The following CACNA1B variants were observed in gnomAD, a reference collection of about 807,000 sequenced individuals.
CACNA1B encodes calcium voltage-gated channel subunit alpha1 B.
Under a neutral mutation model 247.2 loss-of-function variants are expected in CACNA1B, and 70 were observed. That is an observed-to-expected ratio of 0.28 (90% confidence interval 0.23 to 0.35). CACNA1B has a LOEUF of 0.35. Ranked by LOEUF, CACNA1B falls within the 10% of genes least tolerant of loss-of-function variation. The pLI is 1.00. For synonymous variants in CACNA1B, 1,231 were observed against 1,294.4 expected, an observed-to-expected ratio of 0.95 and a Z score of 1.05; for missense variants, 2,367 against 3,197.4, an observed-to-expected ratio of 0.74 and a Z score of 6.26.
In CACNA1B at chr9:138,092,345, G is replaced by A. The variant is rs186647167; in HGVS notation, c.5095-4139G>A. On this transcript the variant is annotated intron_variant, in intron 36 of 46. Coordinates refer to ENST00000371372, the MANE Select transcript of CACNA1B (RefSeq NM_000718.4). Reference sequence around the variant, plus strand: ...AGCAGCAGTCTGTAGGCCTACCCCTGGGAATGCATTCCTTTCCCAGGGTTA... The same window carrying A: ...AGCAGCAGTCTGTAGGCCTACCCCTAGGAATGCATTCCTTTCCCAGGGTTA... 3.9e-5 allele frequency among the ~76,000 whole-genome samples: 6 copies of A among 152,276 alleles called. No homozygotes were observed. The East Asian group carries it at 1.2e-3, about 29-fold the overall frequency.
chr9:138,088,194 C>T (rs956440028), intron 36 of CACNA1B, among the ~76,000 whole-genome samples: 2 of 151,892 alleles, frequency 1.3e-5, no homozygotes, highest in Non-Finnish European at 2.9e-5. Context: ...CATGGTGAAA[C>T]CCCATCTCTA....
At chr9:138,006,665 C>A (rs1049864856) in intron 15 of CACNA1B, 102 bp from the exon 16 acceptor site, 2 of 690,110 alleles carry the variant, frequency 2.9e-6, no homozygotes, top group East Asian at 2.7e-5. Flanking sequence ...CGTGGCAGTG[C>A]GCGTGGACGT....
intron 39 of CACNA1B, among the ~76,000 whole-genome samples, chr9:138,108,934 G>C: frequency 6.6e-6 from 1 of 152,230 alleles, no homozygotes; most frequent in South Asian, 2.1e-4. Flanking sequence ...TTACAGGCGT[G>C]AGCCACTGCA....
intron 6 of CACNA1B, among the ~76,000 whole-genome samples, chr9:137,926,467 T>A (rs1157627168): frequency 6.6e-6 from 1 of 152,244 alleles, no homozygotes; most frequent in Non-Finnish European, 1.5e-5. Flanking sequence ...ATGTTTTAAC[T>A]CTTACGAAGA....
intron 6 of CACNA1B, among the ~76,000 whole-genome samples, chr9:137,937,840 G>A (rs765569926): frequency 2.7e-5 from 4 of 150,842 alleles, no homozygotes; most frequent in Non-Finnish European, 5.9e-5. Flanking sequence ...CCAGCTACTC[G>A]GGAGGCTGAG....
At chr9:137,933,146 A>G (rs1278606142) in intron 6 of CACNA1B, among the ~76,000 whole-genome samples, 1 of 151,766 alleles carries the variant, frequency 6.6e-6, no homozygotes, top group Admixed American at 6.6e-5. Flanking sequence ...GTTAGCCAGA[A>G]TGGTCTCAAA....
At position 138,037,532 on chromosome 9, in the gene CACNA1B, G is replaced by A. The variant is rs577529204; in HGVS notation, c.3287-6242G>A. On this transcript the variant is annotated intron_variant, in intron 20 of 46. Transcript: ENST00000371372. ...AAATTAGCCAGGTGTGGTGGCAAGC[G>A]CCTGTAATTCCAGCTATTCAGGAGG... 1.0e-3 allele frequency among the ~76,000 whole-genome samples: 159 copies of A among 152,230 alleles called. 1 individual carries two copies. Among genetic ancestry groups the A allele is most frequent in the African/African-American group, 3.5e-3 (145 of 41,518 alleles).
intron 43 of CACNA1B, among the ~76,000 whole-genome samples, 162 bp downstream of exon 43, chr9:138,118,243 T>G (rs1338209696): frequency 2.2e-4 from 5 of 22,554 alleles, no homozygotes; most frequent in African/African-American, 6.9e-4. Flanking sequence ...GAGACTGGGG[T>G]GGGGGATGTG....
rs1962124340 is a variant in CACNA1B, at chr9:138,122,118, C to T, written c.*119C>T. ...AGGCCTTGCCCACCTTGGTGAGGCTCCTGTGGCCCCTCCCTCCCCCTCCTC... is the reference window on the plus strand; with the variant it reads ...AGGCCTTGCCCACCTTGGTGAGGCTTCTGTGGCCCCTCCCTCCCCCTCCTC... On this transcript the variant is annotated 3_prime_UTR_variant, in exon 47 of 47. Transcript: ENST00000371372. 3.5e-6 allele frequency: 3 copies of T among 845,954 alleles called. No individual in the cohort carries two copies. The highest frequency in any genetic ancestry group is 2.8e-5 in the Admixed American group (1 of 35,294). 52.4% of individuals were successfully genotyped at this position (845,954 alleles called of 1,614,324 possible).
intron 26 of CACNA1B, among the ~76,000 whole-genome samples, chr9:138,056,364 G>T (rs377399774): frequency 2.0e-5 from 3 of 152,240 alleles, no homozygotes; most frequent in Non-Finnish European, 4.4e-5. Context: ...AGCTTCTTTC[G>T]TGTGATGTTT....
intron 20 of CACNA1B, among the ~76,000 whole-genome samples, chr9:138,033,397 G>T (rs952781378): frequency 6.6e-6 from 1 of 151,966 alleles, no homozygotes; most frequent in Non-Finnish European, 1.5e-5. Flanking sequence ...CTTGGTGTCT[G>T]TTGATTGTGT....
Position 137,951,521 on chromosome 9 carries a change from C to G in CACNA1B, c.967-753C>G, listed in dbSNP as rs187738996. On this transcript the variant is annotated intron_variant, in intron 6 of 46. Coordinates refer to ENST00000371372, the MANE Select transcript of CACNA1B (RefSeq NM_000718.4). Reference sequence around the variant, plus strand: ...AGGGGCTGCCTCCCTTGGCACCCACCACCCTCCTGGTTTCTCTCCAGCACC... The same window carrying G: ...AGGGGCTGCCTCCCTTGGCACCCACGACCCTCCTGGTTTCTCTCCAGCACC... 4.4e-3 allele frequency among the ~76,000 whole-genome samples: 673 copies of G among 152,326 alleles called. 1 individual carries two copies. Among genetic ancestry groups the G allele is most frequent in the African/African-American group, 0.015 (622 of 41,586 alleles).
chr9:138,013,903 A>G (rs1310330721), intron 18 of CACNA1B, among the ~76,000 whole-genome samples: 1 of 152,220 alleles, frequency 6.6e-6, no homozygotes, highest in Non-Finnish European at 1.5e-5. Context: ...GAGTGCAGAG[A>G]TGCCCTTACT....
At chr9:138,028,514 C>T (rs934909016) in intron 20 of CACNA1B, among the ~76,000 whole-genome samples, 2 of 152,152 alleles carry the variant, frequency 1.3e-5, no homozygotes, top group African/African-American at 4.8e-5. Flanking sequence ...GCTTTAGATA[C>T]CTCCTTTATT....
rs952529682 is a variant in CACNA1B, at chr9:138,050,536, A to G, written c.3710+1221A>G. Among the ~76,000 whole-genome samples, 2 of 152,168 alleles carry G rather than the reference A, an allele frequency of 1.3e-5. No individual in the cohort carries two copies. Among genetic ancestry groups the G allele is most frequent in the Non-Finnish European group, 2.9e-5 (2 of 68,024 alleles). ...GTTCCCACTATTTCCTCTTTCTGTG[A>G]TAAAGGAATGAGAGCTTTGCCAAAG... is the stretch of plus-strand genomic sequence containing the variant. On this transcript the variant is annotated intron_variant, in intron 24 of 46. Coordinates refer to ENST00000371372, the MANE Select transcript of CACNA1B (RefSeq NM_000718.4). This position sits in a 1 kb window ranked among gnomAD's most constrained non-coding sequence, Gnocchi z 5.2.
At chr9:138,024,079 GC>G (rs1485211498) in intron 19 of CACNA1B, among the ~76,000 whole-genome samples, 7 of 152,238 alleles carry the variant, frequency 4.6e-5, no homozygotes, top group Non-Finnish European at 1.0e-4. Flanking sequence ...GTGAATGCCA[GC>G]CGTTATTTAA....
chr9:137,997,958 C>T (rs775960861), intron 15 of CACNA1B, among the ~76,000 whole-genome samples: 5 of 152,196 alleles, frequency 3.3e-5, no homozygotes, highest in Non-Finnish European at 7.3e-5. Context: ...TGCCTTAGAA[C>T]TAAATGTATT....
intron 10 of CACNA1B, among the ~76,000 whole-genome samples, chr9:137,959,799 T>G (rs1957990049): frequency 6.6e-6 from 1 of 152,176 alleles, no homozygotes; most frequent in African/African-American, 2.4e-5. Context: ...GCCGCGACAC[T>G]GGAGAAACTC....
Position 137,957,913 on chromosome 9 carries a change from C to CAAG in CACNA1B, c.1333+227_1333+228insAGA, listed in dbSNP as rs1957969364. Among the ~76,000 whole-genome samples the CAAG allele has an allele frequency of 6.6e-6, 1 of 152,228 alleles. No homozygotes were observed. The highest frequency in any genetic ancestry group is 2.4e-5 in the African/African-American group (1 of 41,462). On this transcript the variant is annotated intron_variant, in intron 10 of 46. Transcript: ENST00000371372. The surrounding 1 kb of genome is among the most constrained non-coding windows in gnomAD (Gnocchi z 4.7). ...GACTCTATAGGGCCACCTCTCTCTT[C>CAAG]AGCCCCTGTCTCTTTTTCACTTTCT...
Sources: gnomAD v4.1 joint callset for allele counts (sites outside exome capture counted in the v4.1 genomes callset) on GRCh38, gnomAD v4.1.1 for gene constraint, Gnocchi (gnomAD v3.1) non-coding constraint, MANE v1.5 for transcripts, NCBI Gene and HGNC (gene_info 2026-07-23, HGNC 2026-07-21) for gene names.